The following DUSP1 variants were observed in gnomAD, a reference collection of about 807,000 sequenced individuals.
The protein encoded by DUSP1 is dual specificity protein phosphatase 1.
A neutral mutation model predicts 27.4 loss-of-function variants in DUSP1; 10 were observed. That is an observed-to-expected ratio of 0.37 (90% CI 0.23 to 0.62). The LOEUF (loss-of-function observed/expected upper bound fraction) is 0.62. Among genes scored for constraint, DUSP1 ranks in the 20% least tolerant of loss-of-function variants. DUSP1 has a pLI of 0.68. For missense variants in DUSP1, 425 were observed against 508.1 expected, an observed-to-expected ratio of 0.84 and a Z score of 1.57; for synonymous variants, 262 against 223.6, an observed-to-expected ratio of 1.17 and a Z score of -1.53.
At chr5:172,770,332 C>G (rs1759867518) in intron 1 of DUSP1, 26 bp from the exon 2 acceptor site, 1 of 1,602,080 alleles carries the variant, frequency 6.2e-7, no homozygotes, top group African/African-American at 1.3e-5. Flanking sequence ...CATTTTTTTT[C>G]CCCATTAGTG....
intron 2 of DUSP1, 136 bp downstream of exon 2, chr5:172,770,025 T>C: frequency 7.4e-7 from 1 of 1,355,866 alleles, no homozygotes; most frequent in Non-Finnish European, 9.9e-7. Flanking sequence ...ACCACTTAAC[T>C]GTGGAATAAA....
chr5:172,771,162 C>T lies in DUSP1; in HGVS notation c.-210G>A. On this transcript the variant is annotated 5_prime_UTR_variant, in exon 1 of 4. Transcript: ENST00000239223. Reference sequence around the variant, plus strand: ...GCGGTTCCCCCGACTGCCCCTCCGACCCGCGTCGCACACACAGCCCAAATG... The same window carrying T: ...GCGGTTCCCCCGACTGCCCCTCCGATCCGCGTCGCACACACAGCCCAAATG... The T allele has an allele frequency of 3.4e-6, 2 of 590,736 alleles. No homozygotes were observed. Among genetic ancestry groups the T allele is most frequent in the South Asian group, 3.8e-5 (1 of 26,008 alleles). The allele number at this position is 590,736 out of a possible 1,614,324, so 36.6% of individuals were successfully genotyped here.
In DUSP1 at chr5:172,770,170, G is replaced by C; in HGVS notation, c.504C>G (p.Leu168=). 1 of 1,580,336 alleles carries C rather than the reference G, an allele frequency of 6.3e-7. No homozygotes were observed. Among genetic ancestry groups the C allele is most frequent in the East Asian group, 2.2e-5 (1 of 44,478 alleles). The change falls in exon 2 of 4, where the codon CTC becomes CTG. Residue 168 remains leucine, a synonymous_variant. Transcript: ENST00000239223. ...AGGGACACCTACTAACCTGATCGTA[G>C]AGTGGGGTACTGCAGGAACTGCACC... ...ESGCSSCSTP[L]YDQGGPVEIL...
chr5:172,769,932 AT>A, intron 2 of DUSP1, 138 bp from the exon 3 acceptor site: 1 of 1,220,386 alleles, frequency 8.2e-7, no homozygotes, highest in Non-Finnish European at 1.1e-6. Context: ...GGATAAATAA[AT>A]AGGGAACTAA....
At position 172,768,213 on chromosome 5, in the gene DUSP1, C is replaced by T. The variant is rs1759820629; in HGVS notation, c.*549G>A. On this transcript the variant is annotated 3_prime_UTR_variant, in exon 4 of 4. Transcript: ENST00000239223. ...AGGTCATAAATAATCAGCAAACATA[C>T]AACTGTTGGCAACTAAAAAAAAACC... is the stretch of plus-strand genomic sequence containing the variant. 6.7e-6 allele frequency: 1 copy of T among 150,090 alleles called. No individual in the cohort carries two copies. The highest frequency in any genetic ancestry group is 6.7e-5 in the Admixed American group (1 of 14,964). The allele number at this position is 150,090 out of a possible 1,614,324, so 9.3% of individuals were successfully genotyped here. A position where few individuals can be genotyped will look rare whatever the true frequency, so the allele number is the denominator to read the frequency against.
chr5:172,769,602 A>G lies in DUSP1; in HGVS notation c.706T>C (p.Trp236Arg). 1.2e-6 allele frequency: 2 copies of G among 1,614,270 alleles called. No individual in the cohort carries two copies. The highest frequency in any genetic ancestry group is 1.7e-6 in the Non-Finnish European group (2 of 1,180,044). ...ATGAAGTCAATGGCCTCGTTGAACC[A>G]GGAGCTGATGTCTGCCTTGTGGTTG... Reference protein sequence around the residue: ...EDNHKADISSWFNEAIDFIDS... With the variant: ...EDNHKADISSRFNEAIDFIDS... The change falls in exon 3 of 4, where the codon TGG becomes CGG. Residue 236 changes from tryptophan (W) to arginine (R), a missense_variant. This residue lies in a region of DUSP1 where 59 missense variants were observed against 108.4 expected (regional missense o/e 0.54). Coordinates refer to ENST00000239223, the MANE Select transcript of DUSP1 (RefSeq NM_004417.4).
Position 172,770,806 on chromosome 5 carries a change from G to A in DUSP1, c.147C>T (p.Ser49=). 6.6e-7 allele frequency: 1 copy of A among 1,525,526 alleles called. No homozygotes were observed. The highest frequency in any genetic ancestry group is 1.2e-5 in the South Asian group (1 of 82,002). The allele number at this position is 1,525,526 out of a possible 1,614,324, so 94.5% of individuals were successfully genotyped here. The part of the protein sequence containing the change: ...HIAGSVNVRF[S]TIVRRRAKGA... ...CCTTGGCCCGGCGCCGCACGATGGT[G>A]CTGAAGCGCACGTTGACAGAGCCGG... is the stretch of plus-strand genomic sequence containing the variant. Residue 49 remains serine, a synonymous_variant, in exon 1 of 4, where the codon AGC becomes AGT. Coordinates refer to ENST00000239223, the MANE Select transcript of DUSP1 (RefSeq NM_004417.4).
At chr5:172,769,542 G>C (rs985214319) in intron 3 of DUSP1, 33 bp downstream of exon 3, 1 of 1,610,994 alleles carries the variant, frequency 6.2e-7, no homozygotes, top group African/African-American at 1.3e-5. Context: ...AGAAGAGAAA[G>C]GCAGAAAAGC....
intron 1 of DUSP1, 129 bp from the exon 2 acceptor site, chr5:172,770,435 GC>G: frequency 6.5e-7 from 1 of 1,534,520 alleles, no homozygotes; most frequent in Non-Finnish European, 8.7e-7. Context: ...TGTTTCCAGA[GC>G]CAAACAAAGC....
intron 1 of DUSP1, 52 bp downstream of exon 1, chr5:172,770,534 G>A (rs1006353250): frequency 6.2e-6 from 9 of 1,458,490 alleles, no homozygotes; most frequent in Non-Finnish European, 8.0e-6. Flanking sequence ...CAGGGGTACC[G>A]GGCAAAACCT....
At chr5:172,769,485 A>G in intron 3 of DUSP1, 90 bp downstream of exon 3, 1 of 1,422,344 alleles carries the variant, frequency 7.0e-7, no homozygotes, top group East Asian at 2.3e-5. Flanking sequence ...GAAGGCTCAG[A>G]AAACTTCAAG....
Position 172,768,659 on chromosome 5 carries a change from T to C in DUSP1, c.*103A>G, listed in dbSNP as rs1215722532. ...AGGAACTCGGGTGAAGTTAAATAAA[T>C]AAGGACCAGCCCTCTCGAGCCCCTC... On this transcript the variant is annotated 3_prime_UTR_variant, in exon 4 of 4. Transcript: ENST00000239223. 8.0e-6 allele frequency: 11 copies of C among 1,379,508 alleles called. No homozygotes were observed. The highest frequency in any genetic ancestry group is 5.2e-5 in the East Asian group (2 of 38,244). The allele number at this position is 1,379,508 out of a possible 1,614,324, so 85.5% of individuals were successfully genotyped here. A position where few individuals can be genotyped will look rare whatever the true frequency, so the allele number is the denominator to read the frequency against.
At chr5:172,770,103 A>G in intron 2 of DUSP1, 58 bp downstream of exon 2, 4 of 1,522,804 alleles carry the variant, frequency 2.6e-6, no homozygotes, top group Non-Finnish European at 3.5e-6. Context: ...CCCTGGCACT[A>G]CTCTTCCATG....
In DUSP1 at chr5:172,769,793, C is replaced by T; in HGVS notation, c.515G>A (p.Gly172Asp). 6.2e-7 allele frequency: 1 copy of T among 1,613,394 alleles called. No individual in the cohort carries two copies. Among genetic ancestry groups the T allele is most frequent in the South Asian group, 1.1e-5 (1 of 91,046 alleles). Residue 172 changes from glycine (G) to aspartate (D), a missense_variant and splice_region_variant, in exon 3 of 4, where the codon GGT (glycine) becomes GAT (aspartate). Gly to Asp is a moderately conservative substitution (Grantham distance 94). This residue lies in a region of DUSP1 where 282 missense variants were observed against 319.3 expected (regional missense o/e 0.88). Coordinates refer to ENST00000239223, the MANE Select transcript of DUSP1 (RefSeq NM_004417.4). ...AAAGGGCAGGATTTCCACCGGGCCA[C>T]CCTGAAATCCAGAAATATCCAACAT... ...SSCSTPLYDQ[G>D]GPVEILPFLY...
At position 172,771,074 on chromosome 5, in the gene DUSP1, C is replaced by T. The variant is rs990935908; in HGVS notation, c.-122G>A. On this transcript the variant is annotated 5_prime_UTR_variant, in exon 1 of 4. Coordinates refer to ENST00000239223, the MANE Select transcript of DUSP1 (RefSeq NM_004417.4). Reference sequence around the variant, plus strand: ...ACCCCCGGGTCTCTCTGCGCCGAACCAAAAGCCGCTTTTGGACTGAGAGAG... The same window carrying T: ...ACCCCCGGGTCTCTCTGCGCCGAACTAAAAGCCGCTTTTGGACTGAGAGAG... 9.5e-6 allele frequency: 12 copies of T among 1,265,452 alleles called. No homozygotes were observed. The African/African-American group carries it at 1.7e-4, about 18-fold the overall frequency. 78.4% of individuals were successfully genotyped at this position (1,265,452 alleles called of 1,614,324 possible).
chr5:172,770,522 G>A (rs1161721233), intron 1 of DUSP1, 64 bp downstream of exon 1: 2 of 1,460,362 alleles, frequency 1.4e-6, no homozygotes, highest in South Asian at 1.5e-5. Flanking sequence ...GGAGCCGAGA[G>A]CCAGGGGTAC....
At chr5:172,769,928 A>G in intron 2 of DUSP1, 134 bp from the exon 3 acceptor site, 1 of 1,231,012 alleles carries the variant, frequency 8.1e-7, no homozygotes, top group Non-Finnish European at 1.1e-6. Flanking sequence ...TGGAGGATAA[A>G]TAAATAGGGA....
rs1248454030 is a variant in DUSP1 at position 172,768,925 on chromosome 5, G to C, written c.941C>G (p.Ala314Gly). ...QLLQFESQVL[A>G]PHCSAEAGSP... is the part of the protein sequence containing the mutation. ...CCCAGCCTCTGCCGAACAGTGCGGA[G>C]CCAGCACCTGGGACTCAAACTGCAG... Residue 314 changes from alanine (A) to glycine (G), a missense_variant, in exon 4 of 4, where the codon GCT (alanine) becomes GGT (glycine). By Grantham distance (60) the Ala-to-Gly change is moderately conservative. Around this residue, in one of 3 missense-constraint regions of DUSP1, gnomAD observed 84 missense variants for 80.5 expected, o/e 1.04. Coordinates refer to ENST00000239223, the MANE Select transcript of DUSP1 (RefSeq NM_004417.4). 6.2e-7 allele frequency: 1 copy of C among 1,614,076 alleles called. No individual in the cohort carries two copies. The highest frequency in any genetic ancestry group is 1.3e-5 in the African/African-American group (1 of 74,942).
At position 172,769,675 on chromosome 5, in the gene DUSP1, G is replaced by A. The variant is rs780767282; in HGVS notation, c.633C>T (p.Pro211=). Residue 211 remains proline (P), a synonymous_variant, in exon 3 of 4, where the codon CCC becomes CCT. Transcript: ENST00000239223. ...TALINVSANC[P]NHFEGHYQYK... Reference sequence around the variant, plus strand: ...ACTGGTAGTGACCCTCAAAATGGTTGGGACAATTGGCTGAGACGTTGATCA... The same window carrying A: ...ACTGGTAGTGACCCTCAAAATGGTTAGGACAATTGGCTGAGACGTTGATCA... 3 of 1,614,256 alleles carry A rather than the reference G, an allele frequency of 1.9e-6. No individual in the cohort carries two copies. The highest frequency in any genetic ancestry group is 2.2e-5 in the South Asian group (2 of 91,092).
Sources: allele counts gnomAD v4.1 joint callset, GRCh38; gene constraint gnomAD v4.1.1; regional missense constraint gnomAD v4.1.1; transcripts MANE v1.5; gene names NCBI Gene and HGNC (gene_info 2026-07-23, HGNC 2026-07-21).